AR: variants seen among roughly 807,000 people sequenced by gnomAD.
AR encodes the protein dihydrotestosterone receptor.
Under a neutral mutation model 53.9 loss-of-function variants are expected in AR, and 8 were observed. The observed-to-expected ratio is 0.15, with a 90% CI of 0.09 to 0.27. The LOEUF (loss-of-function observed/expected upper bound fraction) is 0.27, where lower values mean the gene tolerates loss of function less well. AR is among the 10% of genes least tolerant of loss of function. The probability of loss-of-function intolerance (pLI) is 1.00; values close to 1 mark genes in which losing one functional copy is unlikely to be tolerated. For missense variants in AR, 639 were observed against 742.5 expected (o/e 0.86, Z 1.62); for synonymous variants, 359 against 316.4 (o/e 1.13, Z -1.43).
chrX:67,656,420 T>C (rs1001207092), intron 2 of AR, among the ~76,000 whole-genome samples: 7 of 110,966 alleles, frequency 6.3e-5, no homozygotes, highest in Non-Finnish European at 1.3e-4. Context: ...TTCCCAGGCA[T>C]TGAAACAATC....
At chrX:67,610,503 C>T (rs1310032729) in intron 1 of AR, among the ~76,000 whole-genome samples, 5 of 111,041 alleles carry the variant, frequency 4.5e-5, no homozygotes, top group African/African-American at 1.6e-4. Flanking sequence ...CAGAGGGTAA[C>T]CACAGTGACT....
intron 1 of AR, among the ~76,000 whole-genome samples, chrX:67,624,174 C>T (rs1487618212): frequency 9.0e-6 from 1 of 111,526 alleles, no homozygotes; most frequent in African/African-American, 3.3e-5. Context: ...AGGTCCCTTC[C>T]CCAACACTGG....
chrX:67,563,082 A>G (rs904684197), intron 1 of AR, among the ~76,000 whole-genome samples: 1 of 111,963 alleles, frequency 8.9e-6, no homozygotes, highest in Admixed American at 9.4e-5. Flanking sequence ...CTCATAGTAG[A>G]TGATTTTTAC....
rs748415471 is a variant in AR at position 67,640,850 on chromosome X, T to A, written c.1617-2406T>A. ...TCCTTTACCCATACATACATTTGTG[T>A]CTTTCAAATAATAATCCCATCTTTG... is the stretch of plus-strand genomic sequence containing the variant. On this transcript the variant is annotated intron_variant, in intron 1 of 7. Transcript: ENST00000374690. 1.4e-3 allele frequency among the ~76,000 whole-genome samples: 156 copies of A among 111,812 alleles called. 1 individual carries two copies. Among genetic ancestry groups the A allele is most frequent in the African/African-American group, 4.9e-3 (151 of 30,843 alleles).
At chrX:67,658,883 G>A (rs370720295) in intron 2 of AR, among the ~76,000 whole-genome samples, 2 of 111,845 alleles carry the variant, frequency 1.8e-5, no homozygotes, top group Non-Finnish European at 3.8e-5. Flanking sequence ...TGGAGTAGAG[G>A]CAGCTTTGTC....
chrX:67,594,757 G>A (rs139199373), intron 1 of AR, among the ~76,000 whole-genome samples: 66 of 111,443 alleles, frequency 5.9e-4, no homozygotes, highest in Middle Eastern at 4.7e-3. Context: ...AGACCAGCCT[G>A]GGCAACATGG....
intron 1 of AR, among the ~76,000 whole-genome samples, chrX:67,576,749 A>T (rs1922063969): frequency 9.0e-6 from 1 of 110,717 alleles, no homozygotes; most frequent in Admixed American, 9.6e-5. Flanking sequence ...ACTCAGGTAG[A>T]TGTACCAGAG....
intron 3 of AR, among the ~76,000 whole-genome samples, chrX:67,690,065 C>T (rs1393996155): frequency 9.0e-6 from 1 of 111,602 alleles, no homozygotes; most frequent in East Asian, 2.8e-4. Context: ...CTGTTGATTC[C>T]TTCCTCTCCT....
At chrX:67,622,672 C>A (rs1924437099) in intron 1 of AR, among the ~76,000 whole-genome samples, 1 of 111,518 alleles carries the variant, frequency 9.0e-6, no homozygotes, top group South Asian at 3.8e-4. Flanking sequence ...GCCATGGACA[C>A]CCCCATCTTA....
chrX:67,561,475 C>T (rs1979925988), intron 1 of AR, among the ~76,000 whole-genome samples: 1 of 112,021 alleles, frequency 8.9e-6, no homozygotes, highest in South Asian at 3.7e-4. Context: ...ATTTACATAA[C>T]ATTGTATTAG....
At chrX:67,594,884 G>A (rs949177236) in intron 1 of AR, among the ~76,000 whole-genome samples, 11 of 111,784 alleles carry the variant, frequency 9.8e-5, no homozygotes, top group Admixed American at 4.8e-4. Flanking sequence ...AGGAGGTTGA[G>A]GTTGCAGTGA....
intron 1 of AR, among the ~76,000 whole-genome samples, chrX:67,578,024 C>T (rs1001285618): frequency 4.5e-5 from 5 of 111,568 alleles, no homozygotes; most frequent in African/African-American, 1.6e-4. Context: ...ACTGAGAATG[C>T]AACCCAAGAA....
chrX:67,550,060 T>A (rs975661411), intron 1 of AR, among the ~76,000 whole-genome samples: 1 of 111,734 alleles, frequency 8.9e-6, no homozygotes, highest in African/African-American at 3.3e-5. Flanking sequence ...AAATAGGTGG[T>A]GAGTTCTGTC....
chrX:67,709,343 G>A (rs771679643), intron 3 of AR, among the ~76,000 whole-genome samples: 85 of 112,097 alleles, frequency 7.6e-4, no homozygotes, highest in South Asian at 7.1e-3. Context: ...GCAATGGCGG[G>A]TGCCCCTCCC....
rs2075984449 is a variant in AR at position 67,689,523 on chromosome X, G to A, written c.1885+3397G>A. 4.3e-6 allele frequency: 4 copies of A among 927,494 alleles called. No individual in the cohort carries two copies. The South Asian group carries it at 8.6e-5, about 20-fold the overall frequency. The allele number at this position is 927,494 out of a possible 1,213,427, so 76.4% of individuals were successfully genotyped here. A position where few individuals can be genotyped will look rare whatever the true frequency, so the allele number is the denominator to read the frequency against. ...ATAGCTTTTTCTTTCCTGCTTCCAG[G>A]CCTACCTACCTGTTTCTTGCTTTTT... On this transcript the variant is annotated intron_variant, in intron 3 of 7. Transcript: ENST00000374690.
chrX:67,589,727 C>T (rs930945076), intron 1 of AR, among the ~76,000 whole-genome samples: 2 of 111,756 alleles, frequency 1.8e-5, no homozygotes, highest in Admixed American at 1.9e-4. Context: ...TTAGACATGG[C>T]AGCCATGCCT....
chrX:67,621,745 T>C (rs2147397709), intron 1 of AR, among the ~76,000 whole-genome samples: 1 of 111,647 alleles, frequency 9.0e-6, no homozygotes, highest in Non-Finnish European at 1.9e-5. Flanking sequence ...TCACTCCAGT[T>C]CAATTAAATC....
chrX:67,702,396 T>G (rs1024866708), intron 3 of AR, among the ~76,000 whole-genome samples: 1 of 111,468 alleles, frequency 9.0e-6, no homozygotes, highest in African/African-American at 3.3e-5. Flanking sequence ...AACTCATGTT[T>G]GCAATAAGCC....
intron 1 of AR, among the ~76,000 whole-genome samples, chrX:67,572,046 G>C (rs562564807): frequency 9.0e-6 from 1 of 111,166 alleles, no homozygotes. Context: ...AATAAAGCCT[G>C]TCTCAGTAGC....
Sources: allele counts gnomAD v4.1 joint callset (sites outside exome capture counted in the v4.1 genomes callset), GRCh38; gene constraint gnomAD v4.1.1; transcripts MANE v1.5; gene names NCBI Gene and HGNC (gene_info 2026-07-23, HGNC 2026-07-21).